RNF141: variants seen among roughly 807,000 people sequenced by gnomAD.
RNF141 encodes the protein ring finger protein 141, also known as C3HC4-like zinc finger protein.
Under a neutral mutation model 27.4 loss-of-function variants are expected in RNF141, and 18 were observed. The ratio of observed to expected loss-of-function variants is 0.66; its 90% CI spans 0.45 to 0.97. The LOEUF (loss-of-function observed/expected upper bound fraction) is 0.97. Among genes scored for constraint, RNF141 ranks in the 50% least tolerant of loss-of-function variants. The pLI is 0.00. For missense variants in RNF141, 230 were observed against 279.4 expected (o/e 0.82, Z 1.26); for synonymous variants, 97 against 96.6 (o/e 1.00, Z -0.02).
At chr11:10,527,013 G>C (rs1028442332) in intron 3 of RNF141, among the ~76,000 whole-genome samples, 24 of 152,210 alleles carry the variant, frequency 1.6e-4, no homozygotes, top group Admixed American at 3.9e-4. Flanking sequence ...GAAACGGGTA[G>C]TCCTTTGGAA....
rs1250668438 is a variant in RNF141 at position 10,511,973 on chromosome 11, G to A, written c.*2943C>T. Reference sequence around the variant, plus strand: ...TATTTATTGCACAATTTATCAGTGGGTACTAAGAATAACACAGATCCTATT... The same window carrying A: ...TATTTATTGCACAATTTATCAGTGGATACTAAGAATAACACAGATCCTATT... On this transcript the variant is annotated 3_prime_UTR_variant, in exon 6 of 6. Transcript: ENST00000265981. 2 of 152,584 alleles carry A rather than the reference G, an allele frequency of 1.3e-5. No individual in the cohort carries two copies. The highest frequency in any genetic ancestry group is 1.3e-4 in the Admixed American group (2 of 15,284). The allele number at this position is 152,584 out of a possible 1,614,324, so 9.5% of individuals were successfully genotyped here.
chr11:10,514,668 T>C lies in RNF141; in HGVS notation c.*248A>G. On this transcript the variant is annotated 3_prime_UTR_variant, in exon 6 of 6. Coordinates refer to ENST00000265981, the MANE Select transcript of RNF141 (RefSeq NM_016422.4). ...CAAAGAATTCAAGAGCTATTAGTTG[T>C]AATAATACAAATTTGAACAGATAAA... 1 of 353,028 alleles carries C rather than the reference T, an allele frequency of 2.8e-6. No individual in the cohort carries two copies. Among genetic ancestry groups the C allele is most frequent in the Non-Finnish European group, 5.0e-6 (1 of 198,366 alleles). The allele number at this position is 353,028 out of a possible 1,614,324, so 21.9% of individuals were successfully genotyped here. A position where few individuals can be genotyped will look rare whatever the true frequency, so the allele number is the denominator to read the frequency against.
At chr11:10,533,381 T>A (rs556416004) in intron 2 of RNF141, among the ~76,000 whole-genome samples, 1 of 152,166 alleles carries the variant, frequency 6.6e-6, no homozygotes, top group Admixed American at 6.5e-5. Context: ...GAGAAATTTA[T>A]ATTTCATTTT....
intron 4 of RNF141, among the ~76,000 whole-genome samples, chr11:10,521,416 T>C (rs549477741): frequency 1.3e-5 from 2 of 152,364 alleles, no homozygotes; most frequent in South Asian, 4.1e-4. Flanking sequence ...TGCTTTTTTG[T>C]AATTTTTAAG....
At chr11:10,525,161 A>G in intron 4 of RNF141, 31 bp downstream of exon 4, 1 of 1,444,562 alleles carries the variant, frequency 6.9e-7, no homozygotes, top group Non-Finnish European at 9.3e-7. Context: ...ATTAGAAAAT[A>G]AGTGAAATAC....
chr11:10,517,731 C>G (rs1050925318), intron 5 of RNF141: 6 of 151,976 alleles, frequency 3.9e-5, no homozygotes, highest in African/African-American at 9.7e-5. Flanking sequence ...AGAAAAAATA[C>G]TCTCAAGTCT....
At chr11:10,522,510 C>G (rs1437791570) in intron 4 of RNF141, among the ~76,000 whole-genome samples, 2 of 152,154 alleles carry the variant, frequency 1.3e-5, no homozygotes, top group African/African-American at 4.8e-5. Flanking sequence ...CTCTGAAAGG[C>G]ACACATACTG....
chr11:10,541,174 C>G lies in RNF141; in HGVS notation c.-100G>C, dbSNP rs536494587. ...CGGCAGCGGCTGCGCTGCCTCAGCCCACAGCTCAGACCTGCGGGTGGCCGC... is the reference window on the plus strand; with the variant it reads ...CGGCAGCGGCTGCGCTGCCTCAGCCGACAGCTCAGACCTGCGGGTGGCCGC... On this transcript the variant is annotated 5_prime_UTR_variant, in exon 1 of 6. Coordinates refer to ENST00000265981, the MANE Select transcript of RNF141 (RefSeq NM_016422.4). 1 of 152,518 alleles carries G rather than the reference C, an allele frequency of 6.6e-6. No homozygotes were observed. The highest frequency in any genetic ancestry group is 2.4e-5 in the African/African-American group (1 of 41,586). The allele number at this position is 152,518 out of a possible 1,614,324, so 9.4% of individuals were successfully genotyped here.
intron 1 of RNF141, among the ~76,000 whole-genome samples, chr11:10,538,415 A>T (rs1235555454): frequency 6.6e-6 from 1 of 152,240 alleles, no homozygotes; most frequent in Non-Finnish European, 1.5e-5. Flanking sequence ...ATCTGCATAC[A>T]ATATAAAACC....
chr11:10,515,227 C>A, intron 5 of RNF141, 161 bp from the exon 6 acceptor site: 1 of 778,104 alleles, frequency 1.3e-6, no homozygotes, highest in South Asian at 2.0e-5. Context: ...AATTCTCTTT[C>A]CCAGGGGCAA....
At chr11:10,527,311 T>C (rs1849944205) in intron 3 of RNF141, among the ~76,000 whole-genome samples, 1 of 152,020 alleles carries the variant, frequency 6.6e-6, no homozygotes, top group East Asian at 1.9e-4. Context: ...ATGGAGAAGA[T>C]GAAACAGGGG....
At chr11:10,538,154 G>A (rs1850054098) in intron 1 of RNF141, among the ~76,000 whole-genome samples, 1 of 152,174 alleles carries the variant, frequency 6.6e-6, no homozygotes, top group Admixed American at 6.5e-5. Context: ...TTTGAGTAAA[G>A]TTTATAATTT....
intron 3 of RNF141, among the ~76,000 whole-genome samples, 168 bp downstream of exon 3, chr11:10,530,475 G>C (rs4910152): frequency 0.65 from 98,466 of 152,076 alleles, 32,147 homozygotes; most frequent in East Asian, 0.84. Flanking sequence ...TTAGACAACT[G>C]TAAGATTCAA....
At chr11:10,518,787 T>A in intron 5 of RNF141, 1 of 371,112 alleles carries the variant, frequency 2.7e-6, no homozygotes, top group Non-Finnish European at 4.8e-6. Flanking sequence ...TAGACTTAAG[T>A]CAGGCACAAA....
intron 2 of RNF141, among the ~76,000 whole-genome samples, chr11:10,531,252 G>A (rs931371899): frequency 6.6e-6 from 1 of 151,704 alleles, no homozygotes; most frequent in African/African-American, 2.4e-5. Context: ...GCGTACACCT[G>A]TAATCCCAGC....
chr11:10,540,854 G>A (rs1850093860), intron 1 of RNF141: 1 of 152,220 alleles, frequency 6.6e-6, no homozygotes, highest in African/African-American at 2.4e-5. Context: ...CTCTCTCCGG[G>A]TCCCTCAGAA....
intron 3 of RNF141, among the ~76,000 whole-genome samples, chr11:10,527,645 C>G (rs1849948050): frequency 6.6e-6 from 1 of 150,878 alleles, no homozygotes; most frequent in African/African-American, 2.4e-5. Flanking sequence ...TGAGAAGTCA[C>G]GGGGGGGGGT....
At chr11:10,538,922 G>A (rs992404429) in intron 1 of RNF141, among the ~76,000 whole-genome samples, 24 of 152,190 alleles carry the variant, frequency 1.6e-4, no homozygotes, top group Non-Finnish European at 2.2e-4. Context: ...CAAACCACTG[G>A]CACAGAATTC....
intron 3 of RNF141, among the ~76,000 whole-genome samples, chr11:10,527,462 T>TCAGTTCTTA (rs770924583): frequency 6.6e-6 from 1 of 152,026 alleles, no homozygotes. Context: ...AAAGGCTGTT[T>TCAGTTCTTA]AATAGAGGTG....
Sources: allele counts gnomAD v4.1 joint callset (sites outside exome capture counted in the v4.1 genomes callset), GRCh38; gene constraint gnomAD v4.1.1; transcripts MANE v1.5; gene names NCBI Gene and HGNC (gene_info 2026-07-23, HGNC 2026-07-21).